IL6ST: variants seen among roughly 807,000 people sequenced by gnomAD.
IL6ST encodes interleukin-6 receptor subunit beta.
IL6ST carries 24 observed loss-of-function variants against 91.3 expected under a neutral mutation model. The observed-to-expected ratio is 0.26, with a 90% confidence interval of 0.19 to 0.37. The LOEUF is 0.37. Among genes scored for constraint, IL6ST ranks in the 10% least tolerant of loss-of-function variants. The pLI is 1.00. For missense variants in IL6ST, 914 were observed against 1,078.5 expected, an observed-to-expected ratio of 0.85 and a Z score of 2.14; for synonymous variants, 351 against 373.6, an observed-to-expected ratio of 0.94 and a Z score of 0.70.
chr5:55,980,661 C>T (rs1753606741), intron 2 of IL6ST, among the ~76,000 whole-genome samples: 1 of 152,180 alleles, frequency 6.6e-6, no homozygotes, highest in African/African-American at 2.4e-5. Context: ...ACAATATACT[C>T]ATGTAACCTG....
chr5:55,957,317 AAATAAAAAGGTTT>A, intron 8 of IL6ST, 26 bp from the exon 9 acceptor site: 1 of 1,176,462 alleles, frequency 8.5e-7, no homozygotes. Flanking sequence ...AAACTCCTTA[AAATAAAAAGGTTT>A]TAACAGTAAA....
intron 11 of IL6ST, among the ~76,000 whole-genome samples, chr5:55,954,491 A>G (rs1272889187): frequency 6.6e-6 from 1 of 152,238 alleles, no homozygotes; most frequent in African/African-American, 2.4e-5. Flanking sequence ...AGGATGAGGT[A>G]CAGAGAACAT....
rs576267634 is a variant in IL6ST, at chr5:55,954,879, A to G, written c.1381T>C (p.Ser461Pro). The G allele has an allele frequency of 1.9e-6, 3 of 1,613,628 alleles. No individual in the cohort carries two copies. The highest frequency in any genetic ancestry group is 1.3e-5 in the African/African-American group (1 of 75,032). The part of the protein sequence containing the change: ...KKYILEWCVL[S>P]DKAPCITDWQ... The stretch of plus-strand genomic sequence containing the variant: ...TCTGTGATACAGGGTGCTTTATCTG[A>G]TAACACACACCACTCAAGTATATAT... Residue 461 changes from serine (S) to proline (P), a missense_variant, in exon 11 of 17, where the codon TCA becomes CCA. Physicochemically the swap from Ser to Pro is moderately conservative, Grantham distance 74. Coordinates refer to ENST00000381298, the MANE Select transcript of IL6ST (RefSeq NM_002184.4).
rs1005107061 is a variant in IL6ST at position 55,954,921 on chromosome 5, T to C, written c.1339A>G (p.Arg447Gly). The change falls in exon 11 of 17, where the codon AGG becomes GGG. Residue 447 changes from arginine to glycine, a missense_variant. Arg to Gly is a moderately radical substitution (Grantham distance 125). Coordinates refer to ENST00000381298, the MANE Select transcript of IL6ST (RefSeq NM_002184.4). ...NMLWVEWTTP[R>G]ESVKKYILEW... ...AGTATATATTTCTTTACAGATTCCC[T>C]TGGAGTAGTCCATTCCACCCAAAGC... 1 of 1,613,034 alleles carries C rather than the reference T, an allele frequency of 6.2e-7. No individual in the cohort carries two copies. The highest frequency in any genetic ancestry group is 1.7e-5 in the Admixed American group (1 of 60,026).
Position 55,940,976 on chromosome 5 carries a change from T to A in IL6ST, c.*106A>T. On this transcript the variant is annotated 3_prime_UTR_variant, in exon 17 of 17. Transcript: ENST00000381298. ...CATTTTTGTCCTTAAGGGCAAATGATCATCTTCAGAGAGTGAAGACTTTTT... is the reference window on the plus strand; with the variant it reads ...CATTTTTGTCCTTAAGGGCAAATGAACATCTTCAGAGAGTGAAGACTTTTT... 1 of 1,131,006 alleles carries A rather than the reference T, an allele frequency of 8.8e-7. No individual in the cohort carries two copies. The allele number at this position is 1,131,006 out of a possible 1,614,324, so 70.1% of individuals were successfully genotyped here. A position where few individuals can be genotyped will look rare whatever the true frequency, so the allele number is the denominator to read the frequency against.
At chr5:55,982,833 GTTCAGAAGGCTGGCT>G (rs1173621477) in intron 1 of IL6ST, 22 bp from the exon 2 acceptor site, 1 of 397,984 alleles carries the variant, frequency 2.5e-6, no homozygotes, top group Non-Finnish European at 4.4e-6. Context: ...GGAGAGTCTT[GTTCAGAAGGCTGGCT>G]TTGATAATTT....
chr5:55,974,952 CACAT>C (rs1345833558), intron 3 of IL6ST, among the ~76,000 whole-genome samples: 7 of 148,100 alleles, frequency 4.7e-5, no homozygotes, highest in South Asian at 2.1e-4. Context: ...CACACACACA[CACAT>C]ACACACACAC....
Position 55,970,927 on chromosome 5 carries a change from C to T in IL6ST, c.65-1072G>A, listed in dbSNP as rs570576247. Among the ~76,000 whole-genome samples the T allele has an allele frequency of 1.2e-3, 189 of 151,978 alleles. 1 individual carries two copies. The highest frequency in any genetic ancestry group is 2.4e-3 in the Non-Finnish European group (162 of 67,922). On this transcript the variant is annotated intron_variant, in intron 3 of 16. Transcript: ENST00000381298. ...AAAAAACAAAACAAAACAAAACAAACAAAACAAAACACAAAGAATCAGATT... is the reference window on the plus strand; with the variant it reads ...AAAAAACAAAACAAAACAAAACAAATAAAACAAAACACAAAGAATCAGATT...
chr5:55,956,320 C>T (rs183826255), intron 9 of IL6ST, 85 bp from the exon 10 acceptor site: 3 of 738,388 alleles, frequency 4.1e-6, no homozygotes, highest in East Asian at 5.4e-5. Flanking sequence ...CAAATCATGC[C>T]ATTATGTCAA....
intron 11 of IL6ST, among the ~76,000 whole-genome samples, chr5:55,953,649 G>C (rs1280256386): frequency 1.3e-5 from 2 of 152,222 alleles, no homozygotes; most frequent in Non-Finnish European, 2.9e-5. Flanking sequence ...GCCTCCCAAA[G>C]TGCTGGAATT....
intron 3 of IL6ST, among the ~76,000 whole-genome samples, chr5:55,974,276 A>G (rs966090499): frequency 1.3e-5 from 2 of 152,214 alleles, no homozygotes; most frequent in Non-Finnish European, 2.9e-5. Flanking sequence ...CATTTTTATA[A>G]TGCTTACTGT....
intron 7 of IL6ST, among the ~76,000 whole-genome samples, chr5:55,962,117 T>G (rs1221164290): frequency 6.6e-6 from 1 of 152,216 alleles, no homozygotes; most frequent in Non-Finnish European, 1.5e-5. Context: ...AAAATAAACA[T>G]CAGTCTTTTT....
intron 1 of IL6ST, among the ~76,000 whole-genome samples, chr5:55,991,382 T>C (rs10077587): frequency 0.051 from 7,840 of 152,294 alleles, 713 homozygotes; most frequent in African/African-American, 0.18. Flanking sequence ...CTCTCATCTA[T>C]GCAGTACATT....
intron 2 of IL6ST, among the ~76,000 whole-genome samples, chr5:55,977,590 C>T (rs1322524641): frequency 6.6e-6 from 1 of 152,082 alleles, no homozygotes; most frequent in Non-Finnish European, 1.5e-5. Flanking sequence ...CTTTGGGAGG[C>T]CGAGGTGGGC....
At chr5:55,973,639 CCAGA>C (rs1404113725) in intron 3 of IL6ST, among the ~76,000 whole-genome samples, 3 of 152,172 alleles carry the variant, frequency 2.0e-5, no homozygotes, top group African/African-American at 7.2e-5. Context: ...AGCTGAGGCC[CCAGA>C]CATTGTACAG....
intron 8 of IL6ST, among the ~76,000 whole-genome samples, chr5:55,959,194 T>C (rs1387892120): frequency 6.6e-6 from 1 of 152,204 alleles, no homozygotes; most frequent in Non-Finnish European, 1.5e-5. Flanking sequence ...CATGAACTCC[T>C]CCCCATGTAT....
intron 2 of IL6ST, among the ~76,000 whole-genome samples, chr5:55,977,837 C>T (rs773207172): frequency 1.6e-4 from 24 of 151,716 alleles, no homozygotes; most frequent in African/African-American, 4.1e-4. Flanking sequence ...CACAGACACA[C>T]ACACACACAC....
chr5:55,984,953 G>A (rs77620634), intron 1 of IL6ST, among the ~76,000 whole-genome samples: 4 of 152,278 alleles, frequency 2.6e-5, no homozygotes, highest in Non-Finnish European at 4.4e-5. Flanking sequence ...TAGGCCCTAC[G>A]GCAGGTGTGT....
chr5:55,952,433 A>G, intron 11 of IL6ST, 82 bp from the exon 12 acceptor site: 1 of 738,518 alleles, frequency 1.4e-6, no homozygotes, highest in Non-Finnish European at 2.2e-6. Context: ...TTACATTATA[A>G]TTTCATGACC....
Sources: gnomAD v4.1 joint callset for allele counts (sites outside exome capture counted in the v4.1 genomes callset) on GRCh38, gnomAD v4.1.1 for gene constraint, MANE v1.5 for transcripts, NCBI Gene and HGNC (gene_info 2026-07-23, HGNC 2026-07-21) for gene names.